CFAP92: variants seen among roughly 807,000 people sequenced by gnomAD.
CFAP92 encodes the protein uncharacterized protein CFAP92.
Under a neutral mutation model 106.3 loss-of-function variants are expected in CFAP92, and 86 were observed. The observed-to-expected ratio is 0.81, with a 90% CI of 0.68 to 0.97. The LOEUF is 0.97. Ranked by LOEUF, CFAP92 falls within the 50% of genes least tolerant of loss-of-function variation. CFAP92 has a pLI of 0.00. For synonymous variants in CFAP92, 477 were observed against 506.4 expected, an observed-to-expected ratio of 0.94 and a Z score of 0.78; for missense variants, 1,204 against 1,283.8, an observed-to-expected ratio of 0.94 and a Z score of 0.95.
At chr3:128,930,959 T>C (rs1938300238) in intron 12 of CFAP92, among the ~76,000 whole-genome samples, 1 of 152,124 alleles carries the variant, frequency 6.6e-6, no homozygotes, top group African/African-American at 2.4e-5. Context: ...AGTGCTGGAA[T>C]GCAGTGGCGC....
At chr3:128,916,619 C>G (rs574234776) in intron 12 of CFAP92, among the ~76,000 whole-genome samples, 2,777 of 152,246 alleles carry the variant, frequency 0.018, 85 homozygotes, top group African/African-American at 0.063. Flanking sequence ...GATATTACAA[C>G]CTAAAGCAGC....
the CFAP92 span, among the ~76,000 whole-genome samples, chr3:129,022,808 G>A: frequency 7.9e-5 from 12 of 152,202 alleles, no homozygotes; most frequent in African/African-American, 2.4e-4. Context: ...CATGGCTCCC[G>A]AAAGACAGTG....
intron 7 of CFAP92, among the ~76,000 whole-genome samples, chr3:128,973,613 G>A (rs1045432877): frequency 6.6e-6 from 1 of 151,034 alleles, no homozygotes; most frequent in African/African-American, 2.4e-5. Flanking sequence ...CCGAGATCGC[G>A]CCATTGTACT....
rs1374024984 is a variant in CFAP92, at chr3:128,935,185, T to A, written c.2393A>T (p.Gln798Leu). The change falls in exon 11 of 16, where the codon CAG becomes CTG. Residue 798 changes from glutamine (Q) to leucine (L), a missense_variant. By Grantham distance (113) the Gln-to-Leu change is moderately radical (BLOSUM62 -2). Coordinates refer to ENST00000645291, the MANE Select transcript of CFAP92 (RefSeq NM_001394090.1). ...GTCTCGCAGGAAGAACACCGCCTGC[T>A]GCAGCAGCAGCTCCGTGGGCTGGAA... The part of the protein sequence containing the change: ...HLFQPTELLL[Q>L]QAVFFLRDTE... 6.5e-7 allele frequency: 1 copy of A among 1,535,966 alleles called. No homozygotes were observed. Among genetic ancestry groups the A allele is most frequent in the Non-Finnish European group, 8.7e-7 (1 of 1,146,768 alleles).
intron 12 of CFAP92, among the ~76,000 whole-genome samples, chr3:128,922,812 G>C (rs183965577): frequency 3.7e-4 from 56 of 152,188 alleles, no homozygotes; most frequent in Admixed American, 2.6e-4. Flanking sequence ...ACAATGGAGT[G>C]CCCACCAAAC....
chr3:128,981,311 C>T (rs1943520844), intron 4 of CFAP92, among the ~76,000 whole-genome samples: 1 of 152,012 alleles, frequency 6.6e-6, no homozygotes, highest in South Asian at 2.1e-4. Flanking sequence ...GCTGAGATTA[C>T]AGGAGTGAGC....
At chr3:128,910,680 G>A in intron 15 of CFAP92, 1 of 1,594,112 alleles carries the variant, frequency 6.3e-7, no homozygotes, top group Non-Finnish European at 8.6e-7. Context: ...CTGGGTTTTT[G>A]AAGCTCAGAG....
intron 8 of CFAP92, chr3:128,966,568 CTT>C (rs1197235481): frequency 2.2e-4 from 28 of 126,684 alleles, no homozygotes; most frequent in African/African-American, 2.1e-4. Flanking sequence ...AATGCTTTTT[CTT>C]TTTTTTTTTT....
intron 10 of CFAP92, among the ~76,000 whole-genome samples, chr3:128,937,341 A>G (rs6787833): frequency 0.43 from 63,526 of 147,778 alleles, 16,112 homozygotes; most frequent in African/African-American, 0.7. Context: ...AACCACGCGT[A>G]GTGGTTTACG....
intron 12 of CFAP92, among the ~76,000 whole-genome samples, chr3:128,927,849 C>A (rs1937864405): frequency 6.6e-6 from 1 of 152,122 alleles, no homozygotes; most frequent in South Asian, 2.1e-4. Context: ...CTACAGAAAT[C>A]TCTGAGGAAA....
intron 1 of CFAP92, chr3:128,993,652 C>A: frequency 2.8e-6 from 1 of 356,508 alleles, no homozygotes; most frequent in East Asian, 6.5e-5. Context: ...CTCCCGGGAG[C>A]CACCAGGCGG....
chr3:128,962,755 C>T (rs1342633254), intron 9 of CFAP92, among the ~76,000 whole-genome samples: 1 of 152,170 alleles, frequency 6.6e-6, no homozygotes, highest in African/African-American at 2.4e-5. Context: ...ACAGCACGGG[C>T]TTCTAAAACC....
At chr3:128,975,112 T>TC (rs1448097663) in intron 7 of CFAP92, among the ~76,000 whole-genome samples, 1 of 151,744 alleles carries the variant, frequency 6.6e-6, no homozygotes, top group South Asian at 2.1e-4. Flanking sequence ...AGAGTGAGAC[T>TC]CCATCTCAAA....
At position 128,965,542 on chromosome 3, in the gene CFAP92, G is replaced by A; in HGVS notation, c.1322C>T (p.Pro441Leu). Residue 441 changes from proline to leucine, a missense_variant, in exon 9 of 16, where the codon CCA becomes CTA. Physicochemically the swap from Pro to Leu is moderately conservative, Grantham distance 98 (BLOSUM62 -3). Transcript: ENST00000645291. Reference sequence around the variant, plus strand: ...TTCCTGAATGGGTACAGGCTGTGATGGAAGGCAGGAAGCACACTTGATCTT... The same window carrying A: ...TTCCTGAATGGGTACAGGCTGTGATAGAAGGCAGGAAGCACACTTGATCTT... ...TIKIKCASCLPSQPVPIQELE... is the reference protein window; with the variant it reads ...TIKIKCASCLLSQPVPIQELE... The A allele has an allele frequency of 5.0e-6, 2 of 398,972 alleles. No homozygotes were observed. Among genetic ancestry groups the A allele is most frequent in the Non-Finnish European group, 8.8e-6 (2 of 226,062 alleles). 24.7% of individuals were successfully genotyped at this position (398,972 alleles called of 1,614,324 possible).
chr3:128,938,533 T>G (rs7625963), intron 10 of CFAP92, among the ~76,000 whole-genome samples: 7,124 of 147,562 alleles, frequency 0.048, 343 homozygotes, highest in African/African-American at 0.12. Flanking sequence ...TCGCTCTGTC[T>G]CCCAGGCTGG....
chr3:128,995,762 T>G (rs1449140592), upstream of CFAP92, among the ~76,000 whole-genome samples: 2 of 152,196 alleles, frequency 1.3e-5, no homozygotes, highest in Non-Finnish European at 2.9e-5. Flanking sequence ...AACACCTACA[T>G]GTCAAAAATA....
intron 10 of CFAP92, among the ~76,000 whole-genome samples, 169 bp downstream of exon 10, chr3:128,944,902 C>T (rs865935462): frequency 3.9e-4 from 60 of 152,150 alleles, no homozygotes; most frequent in African/African-American, 1.4e-3. Flanking sequence ...CAAAGCCAAT[C>T]GAGTCTTCAA....
At chr3:128,939,051 G>C (rs1939353516) in intron 10 of CFAP92, among the ~76,000 whole-genome samples, 1 of 152,134 alleles carries the variant, frequency 6.6e-6, no homozygotes, top group Non-Finnish European at 1.5e-5. Context: ...AAGGATGTCT[G>C]TCCTTCTTTC....
At chr3:128,937,728 G>A (rs148487163) in intron 10 of CFAP92, among the ~76,000 whole-genome samples, 78 of 152,216 alleles carry the variant, frequency 5.1e-4, no homozygotes, top group Non-Finnish European at 7.1e-4. Flanking sequence ...GTTGAGTAAT[G>A]AGTACATGCA....
Sources: allele counts gnomAD v4.1 joint callset (sites outside exome capture counted in the v4.1 genomes callset), GRCh38; gene constraint gnomAD v4.1.1; transcripts MANE v1.5; gene names NCBI Gene and HGNC (gene_info 2026-07-23, HGNC 2026-07-21).